RPL5: variants seen among roughly 807,000 people sequenced by gnomAD.
The protein encoded by RPL5 is ribosomal protein L5.
A neutral mutation model predicts 38.4 loss-of-function variants in RPL5; 1 was observed. The ratio of observed to expected loss-of-function variants is 0.03; its 90% CI spans 0.01 to 0.12. The LOEUF is 0.12. Among genes scored for constraint, RPL5 ranks in the 10% least tolerant of loss-of-function variants. The pLI, the probability that RPL5 is intolerant of heterozygous loss-of-function variation, is 1.00. For missense variants in RPL5, 243 were observed against 374.1 expected, an observed-to-expected ratio of 0.65 and a Z score of 2.89; for synonymous variants, 109 against 121.2, an observed-to-expected ratio of 0.90 and a Z score of 0.66.
At chr1:92,838,132 T>C (rs915819721) in intron 6 of RPL5, among the ~76,000 whole-genome samples, 2 of 152,210 alleles carry the variant, frequency 1.3e-5, no homozygotes, top group African/African-American at 4.8e-5. Flanking sequence ...CCAGGTTCTT[T>C]TTCGTTAGTG....
intron 1 of RPL5, chr1:92,832,833 C>T: frequency 1.7e-6 from 1 of 599,702 alleles, no homozygotes. Flanking sequence ...TGAATGTGCT[C>T]TTGCCCAGTT....
intron 3 of RPL5, among the ~76,000 whole-genome samples, chr1:92,834,307 C>T (rs975652807): frequency 6.6e-6 from 1 of 152,206 alleles, no homozygotes; most frequent in African/African-American, 2.4e-5. Flanking sequence ...ACAAAGGTGG[C>T]TCCCGCATGA....
At chr1:92,839,050 T>TTC (rs1553122503) in intron 6 of RPL5, among the ~76,000 whole-genome samples, 2 of 149,968 alleles carry the variant, frequency 1.3e-5, no homozygotes, top group Non-Finnish European at 3.0e-5. Context: ...TTTTTTTTTT[T>TTC]CAGTGAGTTT....
chr1:92,834,825 A>G lies in RPL5; in HGVS notation c.236A>G (p.Tyr79Cys). The G allele has an allele frequency of 6.2e-7, 1 of 1,612,210 alleles. No homozygotes were observed. The highest frequency in any genetic ancestry group is 8.5e-7 in the Non-Finnish European group (1 of 1,179,940). Reference sequence around the variant, plus strand: ...GGGGATATGATAGTCTGCGCAGCGTATGCACACGAACTGCCAAAATATGGT... The same window carrying G: ...GGGGATATGATAGTCTGCGCAGCGTGTGCACACGAACTGCCAAAATATGGT... ...IEGDMIVCAA[Y>C]AHELPKYGVK... The change falls in exon 4 of 8, where the codon TAT (tyrosine) becomes TGT (cysteine). Residue 79 changes from tyrosine (Y) to cysteine (C), a missense_variant. Transcript: ENST00000370321.
chr1:92,836,460 G>C lies in RPL5; in HGVS notation c.527+68G>C, dbSNP rs191435290. The C allele has an allele frequency of 9.1e-6, 13 of 1,425,466 alleles. No homozygotes were observed. The East Asian group carries it at 3.0e-4, about 32-fold the overall frequency. The allele number at this position is 1,425,466 out of a possible 1,614,324, so 88.3% of individuals were successfully genotyped here. On this transcript the variant is annotated intron_variant, in intron 5 of 7. Coordinates refer to ENST00000370321, the MANE Select transcript of RPL5 (RefSeq NM_000969.5). Reference sequence around the variant, plus strand: ...TTCCCTGTTTTTAACTAGTTGGACTGTGGAGATAACCGAATTAAAGTAGCT... The same window carrying C: ...TTCCCTGTTTTTAACTAGTTGGACTCTGGAGATAACCGAATTAAAGTAGCT...
At chr1:92,838,338 G>A (rs551482820) in intron 6 of RPL5, among the ~76,000 whole-genome samples, 2 of 152,224 alleles carry the variant, frequency 1.3e-5, no homozygotes. Flanking sequence ...TTTTTACTGC[G>A]TTATATTTCT....
At chr1:92,835,920 C>T (rs1557440755) in intron 4 of RPL5, among the ~76,000 whole-genome samples, 1 of 152,090 alleles carries the variant, frequency 6.6e-6, no homozygotes, top group Non-Finnish European at 1.5e-5. Flanking sequence ...TATGCATTCT[C>T]ATTGATTGCT....
Position 92,837,640 on chromosome 1 carries a change from C to T in RPL5, c.705+7C>T. 1 of 1,609,492 alleles carries T rather than the reference C, an allele frequency of 6.2e-7. No individual in the cohort carries two copies. Among genetic ancestry groups the T allele is most frequent in the South Asian group, 1.1e-5 (1 of 90,910 alleles). On this transcript the variant is annotated splice_region_variant and intron_variant, in intron 6 of 7. Coordinates refer to ENST00000370321, the MANE Select transcript of RPL5 (RefSeq NM_000969.5). ...CAGCGTAACTCCAGACATGGTAAAA[C>T]ATTTACCTAAAAATGCCTATATTGG...
At chr1:92,836,932 T>C (rs1687154647) in intron 5 of RPL5, 1 of 232,332 alleles carries the variant, frequency 4.3e-6, no homozygotes. Context: ...ATTTATTAAC[T>C]TCTTAGGAAT....
rs775785062 is a variant in RPL5, at chr1:92,840,552, T to C, written c.707T>C (p.Met236Thr). Reference sequence around the variant, plus strand: ...ACTGTTTGCTTTCCTTTGTTTCAGATGGAGGAGATGTATAAGAAAGCTCAT... The same window carrying C: ...ACTGTTTGCTTTCCTTTGTTTCAGACGGAGGAGATGTATAAGAAAGCTCAT... ...YIKNSVTPDMMEEMYKKAHAA... is the reference protein window; with the variant it reads ...YIKNSVTPDMTEEMYKKAHAA... The change falls in exon 7 of 8, where the codon ATG (methionine) becomes ACG (threonine). Residue 236 changes from methionine (M) to threonine (T), a missense_variant and splice_region_variant. Transcript: ENST00000370321. 1.9e-6 allele frequency: 3 copies of C among 1,611,260 alleles called. No individual in the cohort carries two copies. The Admixed American group carries it at 5.0e-5, about 27-fold the overall frequency.
At position 92,837,646 on chromosome 1, in the gene RPL5, C is replaced by G; in HGVS notation, c.705+13C>G. 1 of 1,604,636 alleles carries G rather than the reference C, an allele frequency of 6.2e-7. No homozygotes were observed. The highest frequency in any genetic ancestry group is 1.1e-5 in the South Asian group (1 of 90,764). ...AACTCCAGACATGGTAAAACATTTA[C>G]CTAAAAATGCCTATATTGGTTAATT... On this transcript the variant is annotated intron_variant, in intron 6 of 7. Transcript: ENST00000370321.
At chr1:92,841,924 ATT>A, downstream of RPL5, 6 of 1,319,168 alleles carry the variant, frequency 4.5e-6, no homozygotes, top group South Asian at 7.4e-5. Flanking sequence ...AACAGCAACT[ATT>A]TCTGTGTTAA....
At chr1:92,832,823 T>A (rs1686962194) in intron 1 of RPL5, 1 of 589,106 alleles carries the variant, frequency 1.7e-6, no homozygotes. Flanking sequence ...GAATTACTGC[T>A]GAATGTGCTC....
Position 92,841,806 on chromosome 1 carries a change from C to A in RPL5, c.835C>A (p.Arg279=). The part of the protein sequence containing the change: ...PKMSLAQKKD[R]VAQKKASFLR... ...AATGTCCCTTGCTCAGAAGAAGGAT[C>A]GGGTAGCTCAAAAGAAGGCAAGCTT... Residue 279 remains arginine, a synonymous_variant, in exon 8 of 8, where the codon CGG becomes AGG. Transcript: ENST00000370321. The A allele has an allele frequency of 1.9e-6, 3 of 1,611,710 alleles. No homozygotes were observed. The highest frequency in any genetic ancestry group is 2.5e-6 in the Non-Finnish European group (3 of 1,179,734).
chr1:92,836,362 C>G lies in RPL5; in HGVS notation c.497C>G (p.Ala166Gly). The change falls in exon 5 of 8, where the codon GCT (alanine) becomes GGT (glycine). Residue 166 changes from alanine to glycine, a missense_variant. Physicochemically the swap from Ala to Gly is moderately conservative, Grantham distance 60 (BLOSUM62 0). Transcript: ENST00000370321. The part of the protein sequence containing the change: ...GNKVFGALKG[A>G]VDGGLSIPHS... ...AAAGTTTTTGGTGCCCTGAAGGGAG[C>G]TGTGGATGGAGGCTTGTCTATCCCT... 1 of 1,614,158 alleles carries G rather than the reference C, an allele frequency of 6.2e-7. No homozygotes were observed. The highest frequency in any genetic ancestry group is 8.5e-7 in the Non-Finnish European group (1 of 1,180,020).
At position 92,837,508 on chromosome 1, in the gene RPL5, G is replaced by A; in HGVS notation, c.580G>A (p.Val194Ile). ...DSESKEFNAEVHRKHIMGQNV... is the reference protein window; with the variant it reads ...DSESKEFNAEIHRKHIMGQNV... ...TGAAAGCAAGGAATTTAATGCAGAAGTACATCGGAAGCACATCATGGGCCA... is the reference window on the plus strand; with the variant it reads ...TGAAAGCAAGGAATTTAATGCAGAAATACATCGGAAGCACATCATGGGCCA... The change falls in exon 6 of 8, where the codon GTA (valine) becomes ATA (isoleucine). Residue 194 changes from valine (V) to isoleucine (I), a missense_variant. Physicochemically the swap from Val to Ile is conservative, Grantham distance 29. Coordinates refer to ENST00000370321, the MANE Select transcript of RPL5 (RefSeq NM_000969.5). 2 of 1,612,704 alleles carry A rather than the reference G, an allele frequency of 1.2e-6. No homozygotes were observed. The highest frequency in any genetic ancestry group is 8.5e-7 in the Non-Finnish European group (1 of 1,179,946).
chr1:92,840,560 A>G lies in RPL5; in HGVS notation c.715A>G (p.Met239Val), dbSNP rs1336022942. 2 of 1,612,396 alleles carry G rather than the reference A, an allele frequency of 1.2e-6. No individual in the cohort carries two copies. The highest frequency in any genetic ancestry group is 8.5e-7 in the Non-Finnish European group (1 of 1,179,208). ...NSVTPDMMEE[M>V]YKKAHAAIRE... Reference sequence around the variant, plus strand: ...CTTTCCTTTGTTTCAGATGGAGGAGATGTATAAGAAAGCTCATGCTGCTAT... The same window carrying G: ...CTTTCCTTTGTTTCAGATGGAGGAGGTGTATAAGAAAGCTCATGCTGCTAT... The change falls in exon 7 of 8, where the codon ATG (methionine) becomes GTG (valine). Residue 239 changes from methionine (M) to valine (V), a missense_variant. Physicochemically the swap from Met to Val is conservative, Grantham distance 21. Transcript: ENST00000370321.
chr1:92,838,968 A>G (rs1687230129), intron 6 of RPL5, among the ~76,000 whole-genome samples: 1 of 151,088 alleles, frequency 6.6e-6, no homozygotes, highest in South Asian at 2.1e-4. Context: ...AATTTTAGAG[A>G]CCTGGATTAC....
intron 6 of RPL5, among the ~76,000 whole-genome samples, chr1:92,838,952 T>C (rs1325207882): frequency 6.6e-6 from 1 of 152,226 alleles, no homozygotes; most frequent in Non-Finnish European, 1.5e-5. Flanking sequence ...TCCACATTGA[T>C]TGAATAATTT....
Sources: allele counts gnomAD v4.1 joint callset (sites outside exome capture counted in the v4.1 genomes callset), GRCh38; gene constraint gnomAD v4.1.1; transcripts MANE v1.5; gene names NCBI Gene and HGNC (gene_info 2026-07-23, HGNC 2026-07-21).